UBA2: variants seen among roughly 807,000 people sequenced by gnomAD.
UBA2 encodes ubiquitin like modifier activating enzyme 2.
In UBA2, 11 loss-of-function variants were observed where a neutral mutation model predicts 77.2. The observed-to-expected ratio is 0.14, with a 90% CI of 0.09 to 0.24. The LOEUF (loss-of-function observed/expected upper bound fraction) is 0.24. Ranked by LOEUF, UBA2 falls within the 10% of genes least tolerant of loss-of-function variation. The probability of loss-of-function intolerance (pLI) is 1.00; values close to 1 mark genes in which losing one functional copy is unlikely to be tolerated. For synonymous variants in UBA2, 278 were observed against 276.7 expected (o/e 1.00, Z -0.05); for missense variants, 487 against 781.7 (o/e 0.62, Z 4.50).
rs1425375734 is a variant in UBA2 at position 34,445,127 on chromosome 19, A to AT, written c.771+9dup. On this transcript the variant is annotated splice_region_variant and intron_variant, in intron 8 of 16. Coordinates refer to ENST00000246548, the MANE Select transcript of UBA2 (RefSeq NM_005499.3). Reference sequence around the variant, plus strand: ...CAGTTAAACTTTTTACCAAGGTTAGATTTACTTTTTTTATAATCATGGATA... The same window carrying AT: ...CAGTTAAACTTTTTACCAAGGTTAGATTTTACTTTTTTTATAATCATGGATA... The AT allele has an allele frequency of 6.2e-7, 1 of 1,607,950 alleles. No homozygotes were observed. The highest frequency in any genetic ancestry group is 1.3e-5 in the African/African-American group (1 of 74,590).
rs1387750298 is a variant in UBA2 at position 34,438,783 on chromosome 19, C to T, written c.581+17C>T. The T allele has an allele frequency of 6.2e-7, 1 of 1,611,564 alleles. No homozygotes were observed. The highest frequency in any genetic ancestry group is 1.3e-5 in the African/African-American group (1 of 74,780). ...CTTGTTCAAGTAAGAGTGTATATTT[C>T]TTGGCATGCTTTTCGGTACTGATGA... On this transcript the variant is annotated intron_variant, in intron 6 of 16. Coordinates refer to ENST00000246548, the MANE Select transcript of UBA2 (RefSeq NM_005499.3).
intron 13 of UBA2, 151 bp from the exon 14 acceptor site, chr19:34,460,319 T>C (rs535930010): frequency 1.6e-6 from 1 of 614,628 alleles, no homozygotes; most frequent in Admixed American, 3.0e-5. Flanking sequence ...CCCCACGGCT[T>C]TCCTGCTTGC....
chr19:34,458,614 C>T, intron 12 of UBA2, 155 bp from the exon 13 acceptor site: 1 of 371,836 alleles, frequency 2.7e-6, no homozygotes, highest in Non-Finnish European at 4.8e-6. Context: ...AACCAGGTTC[C>T]TAAAAAGGTC....
chr19:34,447,940 C>T (rs924382745), intron 8 of UBA2, among the ~76,000 whole-genome samples: 2 of 152,062 alleles, frequency 1.3e-5, no homozygotes, highest in African/African-American at 4.8e-5. Context: ...ACAGTATGTA[C>T]AAGGAAACTC....
At chr19:34,450,038 C>T (rs1017559715) in intron 8 of UBA2, among the ~76,000 whole-genome samples, 2 of 152,210 alleles carry the variant, frequency 1.3e-5, no homozygotes, top group African/African-American at 4.8e-5. Flanking sequence ...GGCTCCTTTA[C>T]TCTGCATTCC....
intron 7 of UBA2, among the ~76,000 whole-genome samples, chr19:34,444,579 G>A (rs2075408097): frequency 6.6e-6 from 1 of 152,214 alleles, no homozygotes; most frequent in East Asian, 1.9e-4. Context: ...GGCTGAAGCA[G>A]CTGGATTGCA....
At chr19:34,465,260 T>TTCATGCATTGACA (rs1230634539) in intron 15 of UBA2, among the ~76,000 whole-genome samples, 19 of 152,152 alleles carry the variant, frequency 1.2e-4, no homozygotes, top group Non-Finnish European at 2.6e-4. Context: ...TGTCAATATT[T>TTCATGCATTGACA]TCATGAGTAT....
At chr19:34,467,458 C>T (rs2145573647) in intron 16 of UBA2, among the ~76,000 whole-genome samples, 1 of 145,196 alleles carries the variant, frequency 6.9e-6, no homozygotes, top group East Asian at 2.0e-4. Context: ...ACAGCAAGAC[C>T]ATGTCTCAAA....
intron 16 of UBA2, among the ~76,000 whole-genome samples, chr19:34,467,747 C>T (rs971843682): frequency 3.3e-5 from 5 of 152,162 alleles, no homozygotes; most frequent in African/African-American, 4.8e-5. Context: ...GGTGACAGAG[C>T]GAGGCTTCCG....
intron 1 of UBA2, 127 bp downstream of exon 1, chr19:34,428,697 G>T (rs958364065): frequency 1.2e-5 from 14 of 1,198,470 alleles, no homozygotes; most frequent in Non-Finnish European, 1.5e-5. Context: ...CGGAGCGGGG[G>T]CAGGCTGAGA....
rs754360341 is a variant in UBA2 at position 34,458,838 on chromosome 19, C to G, written c.1315C>G (p.Pro439Ala). Residue 439 changes from proline (P) to alanine (A), a missense_variant, in exon 13 of 17, where the codon CCC (proline) becomes GCC (alanine). By Grantham distance (27) the Pro-to-Ala change is conservative. Around this residue, in one of 9 missense-constraint regions of UBA2, gnomAD observed 300 missense variants for 454.3 expected, o/e 0.66. Transcript: ENST00000246548. ...LVPCALDPPN[P>A]NCYVCASKPE... ...GCCTTGTGCACTGGATCCTCCCAACCCCAATTGTTATGTATGTGCCAGCAA... is the reference window on the plus strand; with the variant it reads ...GCCTTGTGCACTGGATCCTCCCAACGCCAATTGTTATGTATGTGCCAGCAA... The G allele has an allele frequency of 1.2e-6, 2 of 1,614,102 alleles. No homozygotes were observed. The highest frequency in any genetic ancestry group is 2.2e-5 in the South Asian group (2 of 91,076).
In UBA2 at chr19:34,430,333, A is replaced by G. The variant is rs2075238271; in HGVS notation, c.139-243A>G. ...GAAATATTTTCCAGGATGATTAAAC[A>G]AACAAAATATACCATTCTTTCAAAG... On this transcript the variant is annotated intron_variant, in intron 1 of 16. Coordinates refer to ENST00000246548, the MANE Select transcript of UBA2 (RefSeq NM_005499.3). 8.0e-6 allele frequency: 3 copies of G among 373,584 alleles called. No individual in the cohort carries two copies. The South Asian group carries it at 2.2e-4, about 28-fold the overall frequency. 23.1% of individuals were successfully genotyped at this position (373,584 alleles called of 1,614,324 possible).
At chr19:34,433,877 G>A (rs2075281782) in intron 4 of UBA2, among the ~76,000 whole-genome samples, 1 of 152,172 alleles carries the variant, frequency 6.6e-6, no homozygotes, top group African/African-American at 2.4e-5. Flanking sequence ...AGAATCGCTT[G>A]AAGCCAGGAG....
intron 7 of UBA2, among the ~76,000 whole-genome samples, chr19:34,444,146 C>T (rs952865345): frequency 3.4e-5 from 5 of 146,156 alleles, no homozygotes; most frequent in Admixed American, 7.2e-5. Context: ...CAACCTCCGC[C>T]TTCTGGGTTC....
intron 3 of UBA2, chr19:34,433,140 G>T (rs2075273540): frequency 4.2e-6 from 2 of 479,410 alleles, no homozygotes; most frequent in Non-Finnish European, 7.3e-6. Flanking sequence ...GCCCTAGCTG[G>T]CCAAAAAGGA....
At chr19:34,457,177 AAAATATAT>A (rs1220201806) in intron 12 of UBA2, among the ~76,000 whole-genome samples, 5 of 68,506 alleles carry the variant, frequency 7.3e-5, no homozygotes, top group African/African-American at 2.0e-4. Flanking sequence ...AAAAAAAAAA[AAAATATAT>A]ATATATATAT....
At position 34,432,920 on chromosome 19, in the gene UBA2, AC is replaced by A. The variant is rs1236762953; in HGVS notation, c.294-425del. 2.6e-5 allele frequency among the ~76,000 whole-genome samples: 4 copies of A among 151,996 alleles called. No homozygotes were observed. The East Asian group carries it at 7.7e-4, about 29-fold the overall frequency. On this transcript the variant is annotated intron_variant, in intron 3 of 16. Transcript: ENST00000246548. Reference sequence around the variant, plus strand: ...CTGCCTGTAGCCCTATAACCTCCTTACCCTGTGTTGCTTTCCCAGTGCTGCT... The same window carrying A: ...CTGCCTGTAGCCCTATAACCTCCTTACCTGTGTTGCTTTCCCAGTGCTGCT...
chr19:34,433,106 G>A (rs2075273139), intron 3 of UBA2, among the ~76,000 whole-genome samples: 1 of 152,190 alleles, frequency 6.6e-6, no homozygotes, highest in Non-Finnish European at 1.5e-5. Flanking sequence ...CCATCTTTCT[G>A]CCAGTTTGAG....
chr19:34,468,444 G>T (rs926597812), intron 16 of UBA2, among the ~76,000 whole-genome samples: 1 of 152,128 alleles, frequency 6.6e-6, no homozygotes, highest in African/African-American at 2.4e-5. Flanking sequence ...GGTTTCCAAG[G>T]TTACAGCCAT....
Sources: allele counts gnomAD v4.1 joint callset (sites outside exome capture counted in the v4.1 genomes callset), GRCh38; gene constraint gnomAD v4.1.1; regional missense constraint gnomAD v4.1.1; transcripts MANE v1.5; gene names NCBI Gene and HGNC (gene_info 2026-07-23, HGNC 2026-07-21).